Variants in CDH12 observed in about 807,000 individuals in gnomAD.
CDH12 encodes cadherin 12, also known as cadherin-12.
CDH12 carries 41 observed loss-of-function variants against 74.1 expected under a neutral mutation model. That is an observed-to-expected ratio of 0.55 (90% confidence interval 0.43 to 0.72). The LOEUF (loss-of-function observed/expected upper bound fraction) is 0.72. Ranked by LOEUF, CDH12 falls within the 30% of genes least tolerant of loss-of-function variation. CDH12 has a pLI of 0.00. For missense variants in CDH12, 945 were observed against 977.2 expected (o/e 0.97, Z 0.44); for synonymous variants, 399 against 355.0 (o/e 1.12, Z -1.39).
intron 1 of CDH12, among the ~76,000 whole-genome samples, chr5:22,779,064 T>C (rs973381925): frequency 1.3e-5 from 2 of 152,138 alleles, no homozygotes; most frequent in Admixed American, 6.6e-5. Context: ...AATTTTAAGG[T>C]TCATTTTCTG....
At chr5:22,269,111 G>A (rs1043425708) in intron 3 of CDH12, among the ~76,000 whole-genome samples, 2 of 152,094 alleles carry the variant, frequency 1.3e-5, no homozygotes, top group African/African-American at 4.8e-5. Flanking sequence ...CAAGCTTTCT[G>A]AGAGTATGGA....
chr5:22,250,726 C>T (rs1561255514), intron 3 of CDH12, among the ~76,000 whole-genome samples: 1 of 152,218 alleles, frequency 6.6e-6, no homozygotes, highest in African/African-American at 2.4e-5. Flanking sequence ...CGTGGTTTCC[C>T]GACGTGAGGC....
At chr5:21,809,084 A>C (rs1747597780) in intron 9 of CDH12, among the ~76,000 whole-genome samples, 1 of 152,104 alleles carries the variant, frequency 6.6e-6, no homozygotes, top group Non-Finnish European at 1.5e-5. Flanking sequence ...TTTGTAACAA[A>C]ACTATTTATT....
intron 6 of CDH12, among the ~76,000 whole-genome samples, chr5:21,954,710 A>G (rs1167006114): frequency 6.6e-6 from 1 of 152,004 alleles, no homozygotes; most frequent in African/African-American, 2.4e-5. Context: ...CTGCTTTTTT[A>G]TTGTAAAACA....
chr5:22,717,946 C>A (rs1293703646), intron 1 of CDH12, among the ~76,000 whole-genome samples: 2 of 152,082 alleles, frequency 1.3e-5, no homozygotes, highest in Admixed American at 1.3e-4. Context: ...AGCTAGAATT[C>A]TGTTTTAATT....
intron 4 of CDH12, among the ~76,000 whole-genome samples, chr5:22,089,568 A>C (rs1438266234): frequency 6.6e-6 from 1 of 152,228 alleles, no homozygotes; most frequent in East Asian, 1.9e-4. Context: ...TGGCAATTAC[A>C]GAGATGAAAA....
At chr5:22,630,006 C>T (rs1306588374) in intron 1 of CDH12, among the ~76,000 whole-genome samples, 3 of 151,950 alleles carry the variant, frequency 2.0e-5, no homozygotes, top group Non-Finnish European at 2.9e-5. Context: ...ATCGTATTTA[C>T]AATAATCAAA....
chr5:21,840,197 A>G (rs1749760970), intron 8 of CDH12, among the ~76,000 whole-genome samples: 1 of 152,170 alleles, frequency 6.6e-6, no homozygotes, highest in Admixed American at 6.5e-5. Context: ...AGCATCTAAT[A>G]TGGTGGGAAA....
chr5:22,142,741 T>C, intron 4 of CDH12: 1 of 293,234 alleles, frequency 3.4e-6, no homozygotes, highest in Non-Finnish European at 6.8e-6. Context: ...TTAGTTCTTA[T>C]CATTTTGGTT....
intron 4 of CDH12, among the ~76,000 whole-genome samples, chr5:22,125,460 A>T (rs1223563035): frequency 6.6e-6 from 1 of 152,140 alleles, no homozygotes; most frequent in Non-Finnish European, 1.5e-5. Context: ...TAATGGCTGC[A>T]TAGTATTCCA....
chr5:21,895,701 G>C (rs891268611), intron 6 of CDH12, among the ~76,000 whole-genome samples: 1 of 152,178 alleles, frequency 6.6e-6, no homozygotes, highest in African/African-American at 2.4e-5. Context: ...CCCAGTCAGG[G>C]ACTGGAGTTG....
chr5:22,675,064 G>A lies in CDH12; in HGVS notation c.-522-169700C>T, dbSNP rs118181502. Among the ~76,000 whole-genome samples, 14 of 152,322 alleles carry A rather than the reference G, an allele frequency of 9.2e-5. No individual in the cohort carries two copies. In the East Asian group the frequency reaches 2.7e-3, roughly 29 times the overall value. On this transcript the variant is annotated intron_variant, in intron 1 of 14. Transcript: ENST00000382254. ...ATTTGCATAAGTAACAAGGAGTCAAGTGTTAATCACCAAGACAATGGGGAA... is the reference window on the plus strand; with the variant it reads ...ATTTGCATAAGTAACAAGGAGTCAAATGTTAATCACCAAGACAATGGGGAA...
At chr5:22,581,757 C>T (rs1175338102) in intron 1 of CDH12, among the ~76,000 whole-genome samples, 1 of 152,178 alleles carries the variant, frequency 6.6e-6, no homozygotes, top group Non-Finnish European at 1.5e-5. Context: ...GGCTCTTAAT[C>T]TGATAGGTTT....
At chr5:22,002,029 T>C (rs533623742) in intron 5 of CDH12, among the ~76,000 whole-genome samples, 1 of 152,254 alleles carries the variant, frequency 6.6e-6, no homozygotes, top group East Asian at 1.9e-4. Context: ...AGTATTTTTC[T>C]TCATGCAGCA....
chr5:22,577,933 TC>T (rs1214450061), intron 1 of CDH12, among the ~76,000 whole-genome samples: 1 of 152,152 alleles, frequency 6.6e-6, no homozygotes, highest in East Asian at 1.9e-4. Context: ...ACTAATGTAG[TC>T]CCAAATTAAC....
At chr5:22,530,930 G>A (rs1737556934) in intron 1 of CDH12, among the ~76,000 whole-genome samples, 1 of 151,204 alleles carries the variant, frequency 6.6e-6, no homozygotes, top group Non-Finnish European at 1.5e-5. Flanking sequence ...TGCTGAACAA[G>A]GACTATCAAT....
chr5:22,683,835 A>C (rs1741623175), intron 1 of CDH12, among the ~76,000 whole-genome samples: 1 of 152,212 alleles, frequency 6.6e-6, no homozygotes, highest in Non-Finnish European at 1.5e-5. Context: ...CAGGGATTTC[A>C]TCTTCACCTG....
chr5:21,892,655 A>C (rs1312428610), intron 6 of CDH12, among the ~76,000 whole-genome samples: 1 of 152,134 alleles, frequency 6.6e-6, no homozygotes, highest in Non-Finnish European at 1.5e-5. Context: ...TTTTACGTTT[A>C]TAAAAATGTT....
intron 1 of CDH12, among the ~76,000 whole-genome samples, chr5:22,851,736 C>G (rs895534370): frequency 6.6e-6 from 1 of 152,106 alleles, no homozygotes; most frequent in Non-Finnish European, 1.5e-5. Context: ...ATCTGCCTTT[C>G]AATTCTGAAG....
Sources: allele counts gnomAD v4.1 joint callset (sites outside exome capture counted in the v4.1 genomes callset), GRCh38; gene constraint gnomAD v4.1.1; transcripts MANE v1.5; gene names NCBI Gene and HGNC (gene_info 2026-07-23, HGNC 2026-07-21).